Variants in CASP8 observed in about 807,000 individuals in gnomAD.
The protein encoded by CASP8 is caspase-8.
A neutral mutation model predicts 46.3 loss-of-function variants in CASP8; 24 were observed. The observed-to-expected ratio is 0.52, with a 90% CI of 0.38 to 0.73. The LOEUF is 0.73. Among genes scored for constraint, CASP8 ranks in the 30% least tolerant of loss-of-function variants. CASP8 has a pLI of 0.00. For synonymous variants in CASP8, 188 were observed against 200.4 expected (o/e 0.94, Z 0.52); for missense variants, 460 against 559.0 (o/e 0.82, Z 1.79).
Position 201,266,895 on chromosome 2 carries a change from A to G in CASP8, c.305+104A>G. 1 of 746,140 alleles carries G rather than the reference A, an allele frequency of 1.3e-6. No homozygotes were observed. Among genetic ancestry groups the G allele is most frequent in the Non-Finnish European group, 2.2e-6 (1 of 462,528 alleles). 46.2% of individuals were successfully genotyped at this position (746,140 alleles called of 1,614,324 possible). A position where few individuals can be genotyped will look rare whatever the true frequency, so the allele number is the denominator to read the frequency against. Reference sequence around the variant, plus strand: ...GTGGTACCCTGCCTAGTGCCTGGGAACCCAGCAGTGCCACAATTCTAAGCT... The same window carrying G: ...GTGGTACCCTGCCTAGTGCCTGGGAGCCCAGCAGTGCCACAATTCTAAGCT... On this transcript the variant is annotated intron_variant, in intron 2 of 8. Transcript: ENST00000673742. The surrounding 1 kb of genome is among the most constrained non-coding windows in gnomAD (Gnocchi z 5.7).
At chr2:201,245,858 T>C (rs1236495523) in intron 2 of CASP8, among the ~76,000 whole-genome samples, 1 of 144,490 alleles carries the variant, frequency 6.9e-6, no homozygotes, top group African/African-American at 2.9e-5. Flanking sequence ...CTTTTCCTTG[T>C]TTGTTCTTTT....
At chr2:201,284,768 CTG>C in intron 7 of CASP8, 46 bp from the exon 8 acceptor site, 1 of 1,519,398 alleles carries the variant, frequency 6.6e-7, no homozygotes, top group Non-Finnish European at 8.8e-7. Flanking sequence ...CAGCTGTGGT[CTG>C]TGAATTACTG....
intron 7 of CASP8, among the ~76,000 whole-genome samples, chr2:201,284,599 G>C (rs1221230015): frequency 1.5e-5 from 1 of 68,534 alleles, no homozygotes; most frequent in Non-Finnish European, 3.4e-5. Flanking sequence ...ATCAGGCAGG[G>C]AGGTTGCAGT....
At chr2:201,283,063 T>C (rs1340947901) in intron 7 of CASP8, among the ~76,000 whole-genome samples, 3 of 51,376 alleles carry the variant, frequency 5.8e-5, no homozygotes, top group African/African-American at 1.2e-4. Context: ...CCCTCCCCCC[T>C]CCCGGACGGG....
chr2:201,261,641 A>G (rs1275505696), intron 1 of CASP8, among the ~76,000 whole-genome samples: 1 of 152,074 alleles, frequency 6.6e-6, no homozygotes, highest in Non-Finnish European at 1.5e-5. Context: ...TGCAGAATGG[A>G]TGTCTGTCAG....
At chr2:201,247,578 A>T (rs926087186) in intron 2 of CASP8, among the ~76,000 whole-genome samples, 6 of 151,556 alleles carry the variant, frequency 4.0e-5, no homozygotes, top group Non-Finnish European at 8.8e-5. Flanking sequence ...TCCCAGGTTC[A>T]AGTGATTCTC....
At chr2:201,283,023 G>A (rs1576376081) in intron 7 of CASP8, among the ~76,000 whole-genome samples, 6 of 73,866 alleles carry the variant, frequency 8.1e-5, no homozygotes, top group Admixed American at 2.1e-4. Flanking sequence ...CTCCCGGACG[G>A]GGCGGCTGGC....
chr2:201,239,350 A>G (rs570210437), intron 2 of CASP8, among the ~76,000 whole-genome samples: 13 of 152,254 alleles, frequency 8.5e-5, no homozygotes, highest in African/African-American at 2.9e-4. Flanking sequence ...GCGGCCGGGC[A>G]GAGGCGCCCC....
chr2:201,273,058 C>A, intron 5 of CASP8, 116 bp downstream of exon 5: 4 of 596,036 alleles, frequency 6.7e-6, no homozygotes, highest in African/African-American at 2.2e-5. Flanking sequence ...TCTACTTTTT[C>A]TTTTTTTTTT....
intron 2 of CASP8, among the ~76,000 whole-genome samples, chr2:201,238,785 T>A (rs1946167285): frequency 6.6e-6 from 1 of 152,278 alleles, no homozygotes; most frequent in East Asian, 1.9e-4. Flanking sequence ...ATTTATTTTT[T>A]AATTGATCAT....
chr2:201,278,416 G>A (rs934105932), intron 7 of CASP8, among the ~76,000 whole-genome samples: 1 of 152,122 alleles, frequency 6.6e-6, no homozygotes, highest in Non-Finnish European at 1.5e-5. Context: ...CATTTCCAAA[G>A]GATCAGAATT....
chr2:201,261,741 C>G (rs951532372), intron 1 of CASP8, among the ~76,000 whole-genome samples: 1 of 152,128 alleles, frequency 6.6e-6, no homozygotes, highest in East Asian at 1.9e-4. Flanking sequence ...GGCCTGAGAG[C>G]GAGTGGCTTT....
At chr2:201,242,065 T>C (rs912297121) in intron 2 of CASP8, 1 of 152,214 alleles carries the variant, frequency 6.6e-6, no homozygotes. Flanking sequence ...ATCAAGACCA[T>C]ATATAAGAAA....
In CASP8 at chr2:201,272,680, C is replaced by T. The variant is rs1179006754; in HGVS notation, c.454C>T (p.Leu152=). Residue 152 remains leucine (L), a synonymous_variant, in exon 4 of 9, where the codon CTG becomes TTG. Transcript: ENST00000673742. This position sits in a 1 kb window ranked among gnomAD's most constrained non-coding sequence, Gnocchi z 4.4. ...CATAGAGATGGAGAAGAGGGTCATC[C>T]TGGGAGAAGGAAAGTTGGACATCCT... ...IFIEMEKRVI[L]GEGKLDILKR... 1.2e-6 allele frequency: 2 copies of T among 1,614,078 alleles called. No homozygotes were observed. Among genetic ancestry groups the T allele is most frequent in the Non-Finnish European group, 1.7e-6 (2 of 1,179,954 alleles).
At chr2:201,282,957 A>C (rs1385260604) in intron 7 of CASP8, among the ~76,000 whole-genome samples, 2 of 45,148 alleles carry the variant, frequency 4.4e-5, no homozygotes, top group Non-Finnish European at 1.0e-4. Context: ...TGATCCCCCC[A>C]CCTCCCTCCC....
intron 5 of CASP8, among the ~76,000 whole-genome samples, chr2:201,274,060 C>T (rs1367969510): frequency 4.6e-5 from 7 of 152,140 alleles, no homozygotes; most frequent in Admixed American, 4.6e-4. Flanking sequence ...TCACTCCATT[C>T]ATATTATGAA....
chr2:201,256,936 G>A (rs969113949), upstream of CASP8, among the ~76,000 whole-genome samples: 5 of 148,920 alleles, frequency 3.4e-5, no homozygotes, highest in Admixed American at 2.7e-4. Flanking sequence ...ACCTGAGGTC[G>A]TGAGTTTGAG....
Position 201,272,670 on chromosome 2 carries a change from G to T in CASP8, c.444G>T (p.Lys148Asn). ...TGGATATTTTCATAGAGATGGAGAA[G>T]AGGGTCATCCTGGGAGAAGGAAAGT... ...NLLDIFIEME[K>N]RVILGEGKLD... The change falls in exon 4 of 9, where the codon AAG (lysine) becomes AAT (asparagine). Residue 148 changes from lysine (K) to asparagine (N), a missense_variant. Transcript: ENST00000673742. The surrounding 1 kb of genome is among the most constrained non-coding windows in gnomAD (Gnocchi z 4.4). 1 of 1,614,178 alleles carries T rather than the reference G, an allele frequency of 6.2e-7. No individual in the cohort carries two copies.
chr2:201,243,045 A>G (rs1946367978), intron 2 of CASP8: 1 of 152,374 alleles, frequency 6.6e-6, no homozygotes, highest in Middle Eastern at 3.4e-3. Context: ...TATAGAATCA[A>G]AGAGTGGAAT....
Sources: allele counts gnomAD v4.1 joint callset (sites outside exome capture counted in the v4.1 genomes callset), GRCh38; gene constraint gnomAD v4.1.1; non-coding constraint Gnocchi (gnomAD v3.1); transcripts MANE v1.5; gene names NCBI Gene and HGNC (gene_info 2026-07-23, HGNC 2026-07-21).